The following PHTF2 variants were observed in gnomAD, a reference collection of about 807,000 sequenced individuals.
The protein encoded by PHTF2 is putative homeodomain transcription factor 2.
Under a neutral mutation model 101.2 loss-of-function variants are expected in PHTF2, and 60 were observed. The ratio of observed to expected loss-of-function variants is 0.59; its 90% CI spans 0.48 to 0.73. PHTF2 has a LOEUF of 0.73. Ranked by LOEUF, PHTF2 falls within the 30% of genes least tolerant of loss-of-function variation. The pLI is 0.00. For synonymous variants in PHTF2, 311 were observed against 307.3 expected, an observed-to-expected ratio of 1.01 and a Z score of -0.13; for missense variants, 747 against 908.7, an observed-to-expected ratio of 0.82 and a Z score of 2.29.
At chr7:77,915,932 A>G (rs1449207234) in intron 9 of PHTF2, among the ~76,000 whole-genome samples, 1 of 151,950 alleles carries the variant, frequency 6.6e-6, no homozygotes, top group African/African-American at 2.4e-5. Context: ...TTATGAAATG[A>G]ATATTACATG....
chr7:77,954,433 A>G (rs1806805682), intron 19 of PHTF2, among the ~76,000 whole-genome samples: 1 of 151,990 alleles, frequency 6.6e-6, no homozygotes, highest in Admixed American at 6.6e-5. Context: ...CGCGCCTAGC[A>G]AGAAGTATTT....
intron 1 of PHTF2, among the ~76,000 whole-genome samples, chr7:77,806,071 A>T (rs1792952359): frequency 2.6e-5 from 4 of 152,070 alleles, no homozygotes; most frequent in Non-Finnish European, 5.9e-5. Context: ...GCTACTCAGG[A>T]GCCTGAGGCA....
intron 3 of PHTF2, among the ~76,000 whole-genome samples, chr7:77,888,656 C>T (rs930574461): frequency 1.3e-5 from 2 of 152,186 alleles, no homozygotes; most frequent in Non-Finnish European, 2.9e-5. Flanking sequence ...CACTGATCTT[C>T]TTTTAATCTT....
chr7:77,902,670 C>T (rs1043823057), intron 7 of PHTF2, among the ~76,000 whole-genome samples: 1 of 151,532 alleles, frequency 6.6e-6, no homozygotes, highest in Non-Finnish European at 1.5e-5. Flanking sequence ...TGAACAAAGC[C>T]GTTATTTTCA....
At chr7:77,850,209 AAAAT>A (rs1406722964) in intron 2 of PHTF2, among the ~76,000 whole-genome samples, 1 of 150,816 alleles carries the variant, frequency 6.6e-6, no homozygotes, top group African/African-American at 2.4e-5. Flanking sequence ...AAAAAAAAAA[AAAAT>A]CCAGGTGTGG....
At chr7:77,899,992 T>C (rs969754306) in intron 5 of PHTF2, among the ~76,000 whole-genome samples, 3 of 145,008 alleles carry the variant, frequency 2.1e-5, no homozygotes, top group African/African-American at 7.6e-5. Context: ...TTTCACTAGT[T>C]TTGATCTACA....
At chr7:77,925,130 A>G (rs1244877768) in intron 11 of PHTF2, among the ~76,000 whole-genome samples, 1 of 152,196 alleles carries the variant, frequency 6.6e-6, no homozygotes, top group African/African-American at 2.4e-5. Flanking sequence ...AAGCGTAATG[A>G]AGAAACCATG....
At chr7:77,814,624 G>A (rs1036764258) in intron 1 of PHTF2, among the ~76,000 whole-genome samples, 3 of 151,166 alleles carry the variant, frequency 2.0e-5, no homozygotes, top group Non-Finnish European at 4.4e-5. Flanking sequence ...CGATTCTTCT[G>A]CCTCAGCCTC....
chr7:77,829,212 C>T (rs144380041), intron 1 of PHTF2, among the ~76,000 whole-genome samples: 1 of 152,212 alleles, frequency 6.6e-6, no homozygotes, highest in African/African-American at 2.4e-5. Context: ...TAGGGATTCA[C>T]TTAGATTTTG....
At chr7:77,930,103 G>A (rs536487020) in intron 12 of PHTF2, among the ~76,000 whole-genome samples, 21 of 151,926 alleles carry the variant, frequency 1.4e-4, no homozygotes, top group African/African-American at 4.3e-4. Flanking sequence ...ACAGGCGCCC[G>A]CCACCACACC....
chr7:77,838,006 G>T (rs1188772941), intron 1 of PHTF2, among the ~76,000 whole-genome samples: 1 of 152,084 alleles, frequency 6.6e-6, no homozygotes, highest in Non-Finnish European at 1.5e-5. Flanking sequence ...TGAAAAGAGG[G>T]TAAAGTGAAA....
intron 11 of PHTF2, among the ~76,000 whole-genome samples, chr7:77,926,805 A>C (rs980594670): frequency 3.6e-5 from 5 of 140,058 alleles, no homozygotes; most frequent in Non-Finnish European, 8.1e-5. Context: ...TCCATCTCTC[A>C]AAAAAAAAAC....
chr7:77,903,916 A>G (rs148591535), intron 7 of PHTF2, among the ~76,000 whole-genome samples: 40 of 152,334 alleles, frequency 2.6e-4, no homozygotes, highest in African/African-American at 9.1e-4. Flanking sequence ...TTGGTTTTAT[A>G]TAACTATGTA....
chr7:77,832,786 G>C (rs1024280161), intron 1 of PHTF2, among the ~76,000 whole-genome samples: 3 of 151,768 alleles, frequency 2.0e-5, no homozygotes, highest in African/African-American at 7.3e-5. Context: ...GTTATGGTGA[G>C]TTGTATAATT....
chr7:77,800,945 AC>A (rs1562822086), intron 1 of PHTF2, among the ~76,000 whole-genome samples: 1 of 152,194 alleles, frequency 6.6e-6, no homozygotes, highest in Non-Finnish European at 1.5e-5. Context: ...AAGCCATTAT[AC>A]TTTATTACCA....
At chr7:77,925,874 G>A (rs2150929787) in intron 11 of PHTF2, among the ~76,000 whole-genome samples, 1 of 152,164 alleles carries the variant, frequency 6.6e-6, no homozygotes, top group African/African-American at 2.4e-5. Context: ...TGGCCAACAT[G>A]GTGAAACCCC....
chr7:77,890,144 T>G (rs1468811322), intron 3 of PHTF2, among the ~76,000 whole-genome samples: 1 of 152,196 alleles, frequency 6.6e-6, no homozygotes, highest in Non-Finnish European at 1.5e-5. Flanking sequence ...GTGGCTTTTT[T>G]AATAGGAATG....
In PHTF2 at chr7:77,929,106, C is replaced by T. The variant is rs1320176320; in HGVS notation, c.1120-3C>T. ...TTAATGTCAAAGAATATCTTGATTT[C>T]AGGACGCCCCTAAATCGGGTACTAG... On this transcript the variant is annotated splice_polypyrimidine_tract_variant and splice_region_variant and intron_variant, in intron 11 of 19. Transcript: ENST00000416283. 6.2e-7 allele frequency: 1 copy of T among 1,608,490 alleles called. No homozygotes were observed. The highest frequency in any genetic ancestry group is 8.5e-7 in the Non-Finnish European group (1 of 1,175,372).
At chr7:77,904,659 A>G (rs892753618) in intron 7 of PHTF2, among the ~76,000 whole-genome samples, 2 of 152,258 alleles carry the variant, frequency 1.3e-5, no homozygotes, top group African/African-American at 4.8e-5. Context: ...GTACTCTGGT[A>G]TCTCTGCCTC....
Sources: gnomAD v4.1 joint callset for allele counts (sites outside exome capture counted in the v4.1 genomes callset) on GRCh38, gnomAD v4.1.1 for gene constraint, MANE v1.5 for transcripts, NCBI Gene and HGNC (gene_info 2026-07-23, HGNC 2026-07-21) for gene names.